Variants in DCHS2 observed in about 807,000 individuals in gnomAD.
The protein encoded by DCHS2 is dachsous cadherin-related 2.
A neutral mutation model predicts 182.4 loss-of-function variants in DCHS2; 142 were observed. That is an observed-to-expected ratio of 0.78 (90% CI 0.68 to 0.89). The LOEUF (loss-of-function observed/expected upper bound fraction) is 0.89. DCHS2 is among the 40% of genes least tolerant of loss of function. DCHS2 has a pLI of 0.00. For missense variants in DCHS2, 4,319 were observed against 4,198.6 expected, an observed-to-expected ratio of 1.03 and a Z score of -0.79; for synonymous variants, 1,740 against 1,663.3, an observed-to-expected ratio of 1.05 and a Z score of -1.12.
chr4:154,484,680 T>C (rs1214165573), intron 1 of DCHS2, among the ~76,000 whole-genome samples: 1 of 152,252 alleles, frequency 6.6e-6, no homozygotes, highest in East Asian at 1.9e-4. Flanking sequence ...TCGCATAATT[T>C]CCCTAATGGG....
chr4:154,309,981 A>C (rs1735607876), intron 10 of DCHS2, among the ~76,000 whole-genome samples: 1 of 152,222 alleles, frequency 6.6e-6, no homozygotes, highest in Admixed American at 6.5e-5. Flanking sequence ...ATGGTTAGAA[A>C]GCTGGAAAGC....
At chr4:154,435,977 C>A (rs987260286) in intron 1 of DCHS2, among the ~76,000 whole-genome samples, 13 of 152,150 alleles carry the variant, frequency 8.5e-5, no homozygotes, top group African/African-American at 3.1e-4. Context: ...TATATAACAT[C>A]GTGATAAACA....
intron 13 of DCHS2, among the ~76,000 whole-genome samples, chr4:154,272,988 G>A (rs575974149): frequency 2.0e-5 from 3 of 151,976 alleles, no homozygotes; most frequent in East Asian, 1.9e-4. Flanking sequence ...CCACTTCTAC[G>A]CTGTTGGTGA....
intron 5 of DCHS2, among the ~76,000 whole-genome samples, chr4:154,331,319 G>A (rs575482575): frequency 2.6e-5 from 4 of 152,250 alleles, no homozygotes; most frequent in East Asian, 1.9e-4. Flanking sequence ...TGGACACCTC[G>A]TTTTCTTGTA....
chr4:154,477,793 TTA>T (rs956407175), intron 1 of DCHS2, among the ~76,000 whole-genome samples: 3 of 152,200 alleles, frequency 2.0e-5, no homozygotes, highest in African/African-American at 7.2e-5. Flanking sequence ...AACTTAGTCT[TTA>T]TGATTGTTAA....
chr4:154,271,640 C>T (rs952463915), intron 13 of DCHS2, among the ~76,000 whole-genome samples: 2 of 152,170 alleles, frequency 1.3e-5, no homozygotes, highest in East Asian at 1.9e-4. Flanking sequence ...CAAGTTAGTA[C>T]TTTGATGTCC....
At position 154,486,566 on chromosome 4, in the gene DCHS2, G is replaced by A. The variant is rs150442651; in HGVS notation, c.2052+2738C>T. ...TAGATGGCAACAGAAAGAAGGTACAGTTACAAGGAATGTATGTAATGTCAT... is the reference window on the plus strand; with the variant it reads ...TAGATGGCAACAGAAAGAAGGTACAATTACAAGGAATGTATGTAATGTCAT... On this transcript the variant is annotated intron_variant, in intron 1 of 19. Coordinates refer to ENST00000357232, the MANE Select transcript of DCHS2 (RefSeq NM_001358235.2). 2.8e-4 allele frequency: 361 copies of A among 1,297,880 alleles called. 1 individual carries two copies. The African/African-American group carries it at 4.9e-3, about 17-fold the overall frequency. The allele number at this position is 1,297,880 out of a possible 1,614,324, so 80.4% of individuals were successfully genotyped here. A position where few individuals can be genotyped will look rare whatever the true frequency, so the allele number is the denominator to read the frequency against.
intron 15 of DCHS2, among the ~76,000 whole-genome samples, chr4:154,257,591 A>C (rs191073488): frequency 2.8e-4 from 42 of 152,142 alleles, no homozygotes; most frequent in South Asian, 1.0e-3. Context: ...TGATGACAAC[A>C]CCCCCAGGAC....
intron 1 of DCHS2, among the ~76,000 whole-genome samples, chr4:154,470,250 G>T (rs952284069): frequency 6.6e-6 from 1 of 152,136 alleles, no homozygotes; most frequent in Non-Finnish European, 1.5e-5. Context: ...GGCTGAGCTT[G>T]GAGGATCAAT....
chr4:154,347,303 A>G (rs1030250782), intron 3 of DCHS2, among the ~76,000 whole-genome samples: 3 of 149,816 alleles, frequency 2.0e-5, no homozygotes, highest in African/African-American at 7.5e-5. Context: ...AAAGCAAGGC[A>G]AGAAATCTAT....
In DCHS2 at chr4:154,239,261, C is replaced by T; in HGVS notation, c.7401G>A (p.Leu2467=). The change falls in exon 19 of 20, where the codon CTG becomes CTA. Residue 2467 remains leucine, a synonymous_variant. Transcript: ENST00000357232. ...PESIPVGYSV[L]TLSATDLESN... ...TTTCTAAGTCTGTGGCTGACAGAGT[C>T]AGCACTGAATACCCCACAGGTATTG... The T allele has an allele frequency of 6.2e-7, 1 of 1,613,390 alleles. No homozygotes were observed. The highest frequency in any genetic ancestry group is 2.2e-5 in the East Asian group (1 of 44,760).
chr4:154,416,268 C>T (rs1222185565), intron 1 of DCHS2, among the ~76,000 whole-genome samples: 8 of 152,166 alleles, frequency 5.3e-5, no homozygotes, highest in Non-Finnish European at 7.3e-5. Flanking sequence ...AGGGTCCACA[C>T]CAGAAACAGA....
Position 154,490,064 on chromosome 4 carries a change from C to T in DCHS2, c.1292G>A (p.Arg431Gln). The stretch of plus-strand genomic sequence containing the variant: ...GACGCGAGCCACGTAGTCGCCCGGT[C>T]GGGCGCCTTCAGAGACACGGGCGAC... ...GGVARVSEGA[R>Q]PGDYVARVSV... The change falls in exon 1 of 20, where the codon CGA becomes CAA. Residue 431 changes from arginine (R) to glutamine (Q), a missense_variant. By Grantham distance (43) the Arg-to-Gln change is conservative (BLOSUM62 1). Transcript: ENST00000357232. 1 of 1,549,240 alleles carries T rather than the reference C, an allele frequency of 6.5e-7. No individual in the cohort carries two copies.
In DCHS2 at chr4:154,255,163, AAACAAT is replaced by A. The variant is rs1732592406; in HGVS notation, c.6941+350_6941+355del. On this transcript the variant is annotated intron_variant, in intron 16 of 19. Transcript: ENST00000357232. ...ATCCCTCAGTCGTCACGTTTTAAAA[AAACAAT>A]AACAACAAACACCTGCAGAGGGCTC... Among the ~76,000 whole-genome samples the A allele has an allele frequency of 5.3e-5, 8 of 152,348 alleles. No individual in the cohort carries two copies. The South Asian group carries it at 1.7e-3, about 32-fold the overall frequency.
intron 1 of DCHS2, 99 bp downstream of exon 1, chr4:154,489,205 G>A (rs976255744): frequency 3.6e-5 from 37 of 1,019,642 alleles, no homozygotes; most frequent in South Asian, 7.9e-5. Flanking sequence ...TTTGAGAGCC[G>A]GAATATTATC....
At chr4:154,262,327 T>A (rs1241888612) in intron 14 of DCHS2, 1 of 152,172 alleles carries the variant, frequency 6.6e-6, no homozygotes, top group Admixed American at 6.5e-5. Flanking sequence ...TGTGGGATGA[T>A]TCAAGGCTGC....
intron 9 of DCHS2, among the ~76,000 whole-genome samples, chr4:154,318,992 T>C (rs917796436): frequency 1.3e-5 from 2 of 152,034 alleles, no homozygotes; most frequent in Non-Finnish European, 2.9e-5. Flanking sequence ...TGGCATAGGA[T>C]AAACATTTAG....
intron 1 of DCHS2, among the ~76,000 whole-genome samples, chr4:154,476,666 G>T (rs1019987767): frequency 6.6e-6 from 1 of 152,164 alleles, no homozygotes; most frequent in Non-Finnish European, 1.5e-5. Context: ...GCACTCAGCA[G>T]TAGGCAAGAT....
At chr4:154,269,750 T>G (rs1733479745) in intron 14 of DCHS2, 150 bp downstream of exon 14, 2 of 793,960 alleles carry the variant, frequency 2.5e-6, no homozygotes, top group South Asian at 3.9e-5. Context: ...GTTTTTGATT[T>G]CCCATAATTT....
Sources: gnomAD v4.1 joint callset for allele counts (sites outside exome capture counted in the v4.1 genomes callset) on GRCh38, gnomAD v4.1.1 for gene constraint, MANE v1.5 for transcripts, NCBI Gene and HGNC (gene_info 2026-07-23, HGNC 2026-07-21) for gene names.